The following TTLL7 variants were observed in gnomAD, a reference collection of about 807,000 sequenced individuals.
TTLL7 encodes the protein tubulin polyglutamylase TTLL7.
TTLL7 carries 53 observed loss-of-function variants against 120.2 expected under a neutral mutation model. The ratio of observed to expected loss-of-function variants is 0.44; its 90% CI spans 0.35 to 0.55. TTLL7 has a LOEUF of 0.55. Among genes scored for constraint, TTLL7 ranks in the 20% least tolerant of loss-of-function variants. The pLI, the probability that TTLL7 is intolerant of heterozygous loss-of-function variation, is 0.00. For missense variants in TTLL7, 803 were observed against 1,054.7 expected (o/e 0.76, Z 3.31); for synonymous variants, 353 against 351.7 (o/e 1.00, Z -0.04).
rs572226276 is a variant in TTLL7 at position 83,880,777 on chromosome 1, C to T, written c.2543+2186G>A. Among the ~76,000 whole-genome samples the T allele has an allele frequency of 9.9e-5, 15 of 152,118 alleles. No individual in the cohort carries two copies. In the East Asian group the frequency reaches 2.1e-3, roughly 22 times the overall value. On this transcript the variant is annotated intron_variant, in intron 20 of 20. Coordinates refer to ENST00000260505, the MANE Select transcript of TTLL7 (RefSeq NM_024686.6). ...ATATGGAACCAAAAAGAGCCCGCAT[C>T]GCCAAGTCAATCCTAAGCCAAAAGA...
At position 83,906,418 on chromosome 1, in the gene TTLL7, G is replaced by A; in HGVS notation, c.2038C>T (p.Leu680=). Residue 680 remains leucine (L), a synonymous_variant, in exon 17 of 21, where the codon CTA becomes TTA. Transcript: ENST00000260505. ...QLKTKEQEDD[L]TSQTLFVLKD... is the part of the protein sequence containing the mutation. The stretch of plus-strand genomic sequence containing the variant: ...AGAACAAATAAGGTCTGACTTGTTA[G>A]ATCATCTTCTTGTTCTTTTGTTTTC... 1.2e-6 allele frequency: 2 copies of A among 1,612,224 alleles called. No individual in the cohort carries two copies. Among genetic ancestry groups the A allele is most frequent in the Non-Finnish European group, 1.7e-6 (2 of 1,178,944 alleles).
intron 14 of TTLL7, among the ~76,000 whole-genome samples, chr1:83,916,957 C>T (rs1334307932): frequency 6.6e-6 from 1 of 151,710 alleles, no homozygotes; most frequent in African/African-American, 2.4e-5. Flanking sequence ...TTTAATTAGC[C>T]AGGCATGGTG....
intron 18 of TTLL7, among the ~76,000 whole-genome samples, chr1:83,897,860 T>C (rs1656379249): frequency 8.4e-6 from 1 of 118,514 alleles, no homozygotes; most frequent in African/African-American, 2.9e-5. Context: ...TTGGGTGTTT[T>C]CCATTAAAAA....
Position 83,886,415 on chromosome 1 carries a change from C to G in TTLL7, c.2370-3279G>C, listed in dbSNP as rs376482779. On this transcript the variant is annotated intron_variant, in intron 19 of 20. Coordinates refer to ENST00000260505, the MANE Select transcript of TTLL7 (RefSeq NM_024686.6). ...AGTTTATACATACCAACACAGTAAT[C>G]ACCAACAGAAAGATTAATGACCTAA... 4.6e-5 allele frequency among the ~76,000 whole-genome samples: 7 copies of G among 152,076 alleles called. No individual in the cohort carries two copies. The South Asian group carries it at 1.0e-3, about 23-fold the overall frequency.
rs746316204 is a variant in TTLL7 at position 83,870,909 on chromosome 1, C to CA, written c.2544-828dup. Among the ~76,000 whole-genome samples, 1,001 of 118,046 alleles carry CA rather than the reference C, an allele frequency of 8.5e-3. 13 individuals are homozygous for CA. Among genetic ancestry groups the CA allele is most frequent in the African/African-American group, 0.026 (834 of 32,088 alleles). 77.4% of individuals were successfully genotyped at this position (118,046 alleles called of 152,430 possible). A position where few individuals can be genotyped will look rare whatever the true frequency, so the allele number is the denominator to read the frequency against. On this transcript the variant is annotated intron_variant, in intron 20 of 20. Transcript: ENST00000260505. ...GGGGGACAAGAGTGAGACTTCATCT[C>CA]AAAAAAAAAAAAAATCATGATTACG... is the stretch of plus-strand genomic sequence containing the variant.
chr1:83,882,271 T>A (rs1382773300), intron 20 of TTLL7, among the ~76,000 whole-genome samples: 1 of 148,912 alleles, frequency 6.7e-6, no homozygotes, highest in African/African-American at 2.4e-5. Flanking sequence ...TAATAATAAT[T>A]AAATAAAACA....
chr1:83,964,386 C>T (rs1379722561), intron 1 of TTLL7, among the ~76,000 whole-genome samples: 1 of 152,148 alleles, frequency 6.6e-6, no homozygotes, highest in East Asian at 1.9e-4. Context: ...TATAGATACT[C>T]TCAAATGTCC....
chr1:83,870,646 C>T (rs1223110215), intron 20 of TTLL7, among the ~76,000 whole-genome samples: 4 of 152,170 alleles, frequency 2.6e-5, no homozygotes, highest in East Asian at 1.9e-4. Flanking sequence ...CGCAGTGGCT[C>T]ACGCCTGTAA....
At chr1:83,973,673 A>T (rs547670132) in intron 1 of TTLL7, among the ~76,000 whole-genome samples, 1 of 152,212 alleles carries the variant, frequency 6.6e-6, no homozygotes, top group African/African-American at 2.4e-5. Flanking sequence ...AGATCTTGAC[A>T]ATGTTGAGCC....
chr1:83,985,612 C>T (rs566413008), intron 1 of TTLL7, among the ~76,000 whole-genome samples: 7 of 152,134 alleles, frequency 4.6e-5, no homozygotes, highest in Non-Finnish European at 8.8e-5. Flanking sequence ...AAAAATGAAA[C>T]AAAGACGGGG....
intron 1 of TTLL7, among the ~76,000 whole-genome samples, chr1:83,991,557 T>C (rs1653003175): frequency 6.6e-6 from 1 of 152,190 alleles, no homozygotes; most frequent in Middle Eastern, 3.4e-3. Flanking sequence ...GGTGGGAGGA[T>C]CGCTTGAGCC....
At chr1:83,964,301 C>T (rs1255617998) in intron 1 of TTLL7, among the ~76,000 whole-genome samples, 1 of 152,076 alleles carries the variant, frequency 6.6e-6, no homozygotes, top group Non-Finnish European at 1.5e-5. Flanking sequence ...TTTTGTCCTT[C>T]ATTCTAACAA....
intron 1 of TTLL7, among the ~76,000 whole-genome samples, chr1:83,983,258 G>A (rs1465196327): frequency 6.6e-6 from 1 of 152,142 alleles, no homozygotes; most frequent in Non-Finnish European, 1.5e-5. Context: ...TTGAACCCAG[G>A]AGGCGGAGGC....
chr1:83,966,823 T>G (rs1039615215), intron 1 of TTLL7, among the ~76,000 whole-genome samples: 6 of 152,040 alleles, frequency 3.9e-5, no homozygotes, highest in African/African-American at 1.4e-4. Flanking sequence ...ACATCAAAAT[T>G]TGCAGAATCC....
At chr1:83,949,722 A>G in intron 4 of TTLL7, 143 bp downstream of exon 4, 1 of 833,878 alleles carries the variant, frequency 1.2e-6, no homozygotes, top group Non-Finnish European at 1.9e-6. Flanking sequence ...AGCCAATACA[A>G]CTGGATAGCA....
In TTLL7 at chr1:83,869,274, C is replaced by G. The variant is rs1653138590; in HGVS notation, c.*688G>C. On this transcript the variant is annotated 3_prime_UTR_variant, in exon 21 of 21. Coordinates refer to ENST00000260505, the MANE Select transcript of TTLL7 (RefSeq NM_024686.6). ...TACAGGCGTGAGCCACCGCGCCCAG[C>G]CTGTCTTTCATGTTAGATCATAATA... The G allele has an allele frequency of 6.6e-6, 1 of 152,274 alleles. No homozygotes were observed. Among genetic ancestry groups the G allele is most frequent in the Non-Finnish European group, 1.5e-5 (1 of 68,132 alleles). 9.4% of individuals were successfully genotyped at this position (152,274 alleles called of 1,614,324 possible). A position where few individuals can be genotyped will look rare whatever the true frequency, so the allele number is the denominator to read the frequency against.
chr1:83,941,615 T>C (rs72724911), intron 7 of TTLL7, among the ~76,000 whole-genome samples: 3,530 of 152,252 alleles, frequency 0.023, 65 homozygotes, highest in Non-Finnish European at 0.035. Context: ...GGGAAAACAA[T>C]AACCAGGTAT....
At chr1:83,913,453 C>T (rs1405465553) in intron 14 of TTLL7, among the ~76,000 whole-genome samples, 1 of 152,110 alleles carries the variant, frequency 6.6e-6, no homozygotes, top group Non-Finnish European at 1.5e-5. Flanking sequence ...TATTATTTCT[C>T]CTACTACAAG....
chr1:83,939,448 T>C (rs902576618), intron 7 of TTLL7, among the ~76,000 whole-genome samples: 62 of 152,216 alleles, frequency 4.1e-4, no homozygotes, highest in African/African-American at 1.5e-3. Flanking sequence ...TCTTAAACAG[T>C]ATCTTTGTAA....
Sources: gnomAD v4.1 joint callset for allele counts (sites outside exome capture counted in the v4.1 genomes callset) on GRCh38, gnomAD v4.1.1 for gene constraint, MANE v1.5 for transcripts, NCBI Gene and HGNC (gene_info 2026-07-23, HGNC 2026-07-21) for gene names.